Variants in NUP98 observed in about 807,000 individuals in gnomAD.
The protein encoded by NUP98 is nucleoporin 98 and 96 precursor.
Under a neutral mutation model 191.9 loss-of-function variants are expected in NUP98, and 26 were observed. The ratio of observed to expected loss-of-function variants is 0.14; its 90% confidence interval spans 0.10 to 0.19. The LOEUF (loss-of-function observed/expected upper bound fraction) is 0.19, where lower values mean the gene tolerates loss of function less well. NUP98 is among the 10% of genes least tolerant of loss of function. NUP98 has a pLI of 1.00. For synonymous variants in NUP98, 808 were observed against 778.4 expected (o/e 1.04, Z -0.63); for missense variants, 1,941 against 2,178.8 (o/e 0.89, Z 2.17).
At chr11:3,696,327 C>T (rs1054542131) in intron 25 of NUP98, among the ~76,000 whole-genome samples, 3 of 152,158 alleles carry the variant, frequency 2.0e-5, no homozygotes, top group African/African-American at 7.2e-5. Context: ...CATGATGAAA[C>T]TTTGTCTCTA....
intron 20 of NUP98, chr11:3,712,335 C>G: frequency 2.3e-6 from 3 of 1,330,334 alleles, no homozygotes; most frequent in Non-Finnish European, 2.9e-6. Flanking sequence ...AAATGACAAT[C>G]TGTAGAGGAA....
chr11:3,757,700 G>A (rs770341927), intron 10 of NUP98, among the ~76,000 whole-genome samples: 41 of 151,848 alleles, frequency 2.7e-4, no homozygotes, highest in Admixed American at 1.9e-3. Context: ...TTGGGAGGCT[G>A]AGGCAGAAGA....
chr11:3,796,070 A>C (rs553638007), intron 1 of NUP98, among the ~76,000 whole-genome samples: 21 of 152,358 alleles, frequency 1.4e-4, no homozygotes, highest in African/African-American at 4.8e-4. Flanking sequence ...TCCACCAGGT[A>C]AACATACTGT....
At chr11:3,766,421 G>C (rs1452604096) in intron 8 of NUP98, among the ~76,000 whole-genome samples, 1 of 151,930 alleles carries the variant, frequency 6.6e-6, no homozygotes, top group African/African-American at 2.4e-5. Flanking sequence ...CAGGCGCAGT[G>C]GCTCATGCCT....
chr11:3,724,584 G>C (rs1259735463), intron 15 of NUP98, among the ~76,000 whole-genome samples: 1 of 151,914 alleles, frequency 6.6e-6, no homozygotes, highest in Non-Finnish European at 1.5e-5. Context: ...TTGAGGTCAG[G>C]AGCTCGAGAC....
rs180737439 is a variant in NUP98, at chr11:3,722,711, G to T, written c.2146+446C>A. ...TGTGCCTGTAGTGCCAGCTACTCGG[G>T]TGGCTGAGATGAGAGGTCCTGATCC... On this transcript the variant is annotated intron_variant, in intron 16 of 32. Transcript: ENST00000324932. Among the ~76,000 whole-genome samples the T allele has an allele frequency of 3.2e-3, 490 of 152,200 alleles. 2 individuals are homozygous for T. The highest frequency in any genetic ancestry group is 0.011 in the African/African-American group (462 of 41,516).
At chr11:3,749,079 C>A (rs1184976550) in intron 11 of NUP98, among the ~76,000 whole-genome samples, 17 of 151,244 alleles carry the variant, frequency 1.1e-4, no homozygotes, top group Non-Finnish European at 2.4e-4. Flanking sequence ...GAGGCCGAGG[C>A]GGGTGGATCA....
intron 31 of NUP98, among the ~76,000 whole-genome samples, chr11:3,677,407 T>G (rs1370520946): frequency 8.5e-6 from 1 of 117,956 alleles, no homozygotes; most frequent in Non-Finnish European, 1.9e-5. Flanking sequence ...TTATGTAACA[T>G]AGGTTTTTTT....
rs528636688 is a variant in NUP98, at chr11:3,785,508, C to A, written c.-28-3363G>T. 5.9e-5 allele frequency among the ~76,000 whole-genome samples: 9 copies of A among 152,136 alleles called. No homozygotes were observed. The South Asian group carries it at 1.9e-3, about 32-fold the overall frequency. On this transcript the variant is annotated intron_variant, in intron 1 of 32. Transcript: ENST00000324932. ...ATGCGGTGGCTCATGCCTGTAATCC[C>A]AGCACTTTGGGAGGCCAAGGTGGGC...
chr11:3,714,934 T>C (rs995133685), intron 18 of NUP98: 1 of 152,246 alleles, frequency 6.6e-6, no homozygotes, highest in Non-Finnish European at 1.5e-5. Context: ...CTGGCTGTTG[T>C]GAATAGTGTT....
rs1425363026 is a variant in NUP98, at chr11:3,702,463, G to C, written c.3512C>G (p.Pro1171Arg). The change falls in exon 23 of 33, where the codon CCC becomes CGC. Residue 1171 changes from proline (P) to arginine (R), a missense_variant and splice_region_variant. Physicochemically the swap from Pro to Arg is moderately radical, Grantham distance 103. Coordinates refer to ENST00000324932, the MANE Select transcript of NUP98 (RefSeq NM_016320.5). ...GFLPNPVAVK[P>R]LTESPFKVHL... ...AAAAGCATCAAGAAATGTGACTCAC[G>C]GTTTAACAGCTACTGGATTGGGCAG... The C allele has an allele frequency of 7.5e-6, 12 of 1,604,212 alleles. No individual in the cohort carries two copies. Among genetic ancestry groups the C allele is most frequent in the Non-Finnish European group, 1.0e-5 (12 of 1,173,878 alleles).
At chr11:3,732,263 A>G (rs1420823571) in intron 13 of NUP98, among the ~76,000 whole-genome samples, 5 of 152,202 alleles carry the variant, frequency 3.3e-5, no homozygotes, top group Non-Finnish European at 5.9e-5. Context: ...AAATCCAAAG[A>G]TGATGAATCT....
In NUP98 at chr11:3,679,859, G is replaced by C. The variant is rs191895501; in HGVS notation, c.4919-151C>G. 7.1e-4 allele frequency: 517 copies of C among 726,728 alleles called. 3 individuals carry two copies. In the African/African-American group the frequency reaches 8.7e-3, roughly 12 times the overall value. The allele number at this position is 726,728 out of a possible 1,614,324, so 45.0% of individuals were successfully genotyped here. On this transcript the variant is annotated intron_variant, in intron 30 of 32. Coordinates refer to ENST00000324932, the MANE Select transcript of NUP98 (RefSeq NM_016320.5). ...CATACAGGCATACCTCAAAGATACT[G>C]TGGGTTTCATTTCAGACCACCACAA...
intron 1 of NUP98, among the ~76,000 whole-genome samples, chr11:3,783,825 T>A (rs563751662): frequency 6.6e-6 from 1 of 152,188 alleles, no homozygotes; most frequent in South Asian, 2.1e-4. Flanking sequence ...ACAGAAAAGT[T>A]TGGTTCCCCC....
At chr11:3,758,425 A>G (rs2081053441) in intron 10 of NUP98, among the ~76,000 whole-genome samples, 1 of 152,208 alleles carries the variant, frequency 6.6e-6, no homozygotes, top group Non-Finnish European at 1.5e-5. Context: ...AGGGTAAGTG[A>G]TAATAGAAAA....
At chr11:3,740,255 A>T (rs1279907609) in intron 12 of NUP98, among the ~76,000 whole-genome samples, 1 of 152,192 alleles carries the variant, frequency 6.6e-6, no homozygotes, top group East Asian at 1.9e-4. Flanking sequence ...TCACACCTGT[A>T]ACCCCAGCAC....
At chr11:3,726,196 T>A (rs1163800370) in intron 14 of NUP98, among the ~76,000 whole-genome samples, 1 of 151,638 alleles carries the variant, frequency 6.6e-6, no homozygotes, top group African/African-American at 2.4e-5. Context: ...CATCTAGAAG[T>A]TAATAACAAA....
Position 3,777,908 on chromosome 11 carries a change from C to A in NUP98, c.355+965G>T, listed in dbSNP as rs187591991. Among the ~76,000 whole-genome samples the A allele has an allele frequency of 4.4e-3, 671 of 151,654 alleles. 7 individuals are homozygous for A. Among genetic ancestry groups the A allele is most frequent in the Non-Finnish European group, 6.6e-3 (450 of 67,836 alleles). On this transcript the variant is annotated intron_variant, in intron 4 of 32. Coordinates refer to ENST00000324932, the MANE Select transcript of NUP98 (RefSeq NM_016320.5). ...CAAACAACTTTCCCTCTGGAAAATA[C>A]TGATGGCAGGCCAGGCGCGGTGGCT...
intron 24 of NUP98, among the ~76,000 whole-genome samples, chr11:3,699,978 A>T (rs1320917929): frequency 6.6e-6 from 1 of 152,220 alleles, no homozygotes; most frequent in Non-Finnish European, 1.5e-5. Flanking sequence ...ATCTTGAAAG[A>T]AGCCAGGAAG....
Sources: allele counts gnomAD v4.1 joint callset (sites outside exome capture counted in the v4.1 genomes callset), GRCh38; gene constraint gnomAD v4.1.1; transcripts MANE v1.5; gene names NCBI Gene and HGNC (gene_info 2026-07-23, HGNC 2026-07-21).